PKP2: variants seen among roughly 807,000 people sequenced by gnomAD.
The protein encoded by PKP2 is plakophilin-2.
In PKP2, 73 loss-of-function variants were observed where a neutral mutation model predicts 83.4. That is an observed-to-expected ratio of 0.88 (90% CI 0.72 to 1.06). The LOEUF (loss-of-function observed/expected upper bound fraction) is 1.06, where lower values mean the gene tolerates loss of function less well. Ranked by LOEUF, PKP2 falls within the 50% of genes least tolerant of loss-of-function variation. The probability of loss-of-function intolerance (pLI) is 0.00; values close to 1 mark genes in which losing one functional copy is unlikely to be tolerated. For missense variants in PKP2, 966 were observed against 1,065.4 expected (o/e 0.91, Z 1.30); for synonymous variants, 409 against 430.4 (o/e 0.95, Z 0.62).
intron 5 of PKP2, among the ~76,000 whole-genome samples, chr12:32,842,824 A>G (rs1300919365): frequency 6.6e-6 from 1 of 150,956 alleles, no homozygotes; most frequent in Non-Finnish European, 1.5e-5. Context: ...ACAGGCACAC[A>G]CCACCATGCC....
chr12:32,792,816 G>A lies in PKP2; in HGVS notation c.2358-85C>T, dbSNP rs565471328. On this transcript the variant is annotated intron_variant, in intron 11 of 12. Transcript: ENST00000340811. ...TGTGGGTGTTCTGTAAGACCTCTTC[G>A]CTCCTCAACTGCTACTCCGCAGCAG... is the stretch of plus-strand genomic sequence containing the variant. 2.5e-4 allele frequency: 259 copies of A among 1,023,806 alleles called. 3 individuals are homozygous for A. In the African/African-American group the frequency reaches 3.4e-3, roughly 13 times the overall value. 63.4% of individuals were successfully genotyped at this position (1,023,806 alleles called of 1,614,324 possible).
chr12:32,868,819 G>T, intron 4 of PKP2, 108 bp downstream of exon 4: 1 of 1,264,240 alleles, frequency 7.9e-7, no homozygotes, highest in Non-Finnish European at 1.1e-6. Flanking sequence ...ACCACGCACG[G>T]TCCCAATTTT....
At chr12:32,889,590 G>A (rs986088176) in intron 1 of PKP2, among the ~76,000 whole-genome samples, 8 of 152,144 alleles carry the variant, frequency 5.3e-5, no homozygotes, top group South Asian at 2.1e-4. Flanking sequence ...TTCAGTTTGC[G>A]CTTAATCATT....
intron 10 of PKP2, 81 bp from the exon 11 acceptor site, chr12:32,796,379 A>G (rs1956124927): frequency 8.0e-7 from 1 of 1,249,680 alleles, no homozygotes; most frequent in African/African-American, 1.5e-5. Flanking sequence ...TTTTGGGTGA[A>G]GAACATTCTT....
At chr12:32,859,483 G>C (rs1555146306) in intron 4 of PKP2, among the ~76,000 whole-genome samples, 3 of 151,982 alleles carry the variant, frequency 2.0e-5, no homozygotes, top group Non-Finnish European at 2.9e-5. Flanking sequence ...GTGTGACAGA[G>C]TCTCTCTCTG....
intron 1 of PKP2, chr12:32,893,341 G>C (rs1957092179): frequency 1.3e-5 from 2 of 152,148 alleles, no homozygotes; most frequent in Non-Finnish European, 2.9e-5. Context: ...GACCAGCACT[G>C]TTTCAACAAT....
intron 1 of PKP2, among the ~76,000 whole-genome samples, chr12:32,892,497 G>A (rs2137996946): frequency 6.6e-6 from 1 of 151,836 alleles, no homozygotes; most frequent in South Asian, 2.1e-4. Context: ...TTTATTTTTA[G>A]TAGACACAGG....
chr12:32,803,881 C>T (rs796186296), intron 9 of PKP2, among the ~76,000 whole-genome samples: 17 of 152,266 alleles, frequency 1.1e-4, no homozygotes, highest in African/African-American at 4.1e-4. Context: ...CTCAGCCACC[C>T]ATGTGGACAA....
Position 32,850,990 on chromosome 12 carries a change from T to A in PKP2, c.1171-17A>T. 1 of 1,601,298 alleles carries A rather than the reference T, an allele frequency of 6.2e-7. No individual in the cohort carries two copies. The highest frequency in any genetic ancestry group is 8.6e-7 in the Non-Finnish European group (1 of 1,169,476). On this transcript the variant is annotated splice_polypyrimidine_tract_variant and intron_variant, in intron 4 of 12. Coordinates refer to ENST00000340811, the MANE Select transcript of PKP2 (RefSeq NM_001005242.3). ...CTGGTTAACCTGGGGAAGAAGCAGATGCATATTTCTAATATTAATTTTGAT... is the reference window on the plus strand; with the variant it reads ...CTGGTTAACCTGGGGAAGAAGCAGAAGCATATTTCTAATATTAATTTTGAT...
intron 11 of PKP2, among the ~76,000 whole-genome samples, chr12:32,794,371 T>C (rs1452437792): frequency 6.6e-6 from 1 of 152,212 alleles, no homozygotes; most frequent in Admixed American, 6.5e-5. Context: ...TTATAAATGA[T>C]AATTAGTTCC....
intron 9 of PKP2, among the ~76,000 whole-genome samples, chr12:32,818,187 G>C (rs925388069): frequency 9.2e-5 from 14 of 152,182 alleles, no homozygotes; most frequent in Admixed American, 1.3e-4. Flanking sequence ...TTTCAGGCTG[G>C]GTGCAGTGGC....
At chr12:32,861,693 C>T (rs973847661) in intron 4 of PKP2, among the ~76,000 whole-genome samples, 12 of 152,086 alleles carry the variant, frequency 7.9e-5, no homozygotes, top group Admixed American at 3.9e-4. Context: ...GCTCAGTGAA[C>T]TCCCAAGCAC....
Position 32,871,456 on chromosome 12 carries a change from C to T in PKP2, c.1035-2394G>A, listed in dbSNP as rs146631907. 1.9e-3 allele frequency among the ~76,000 whole-genome samples: 291 copies of T among 152,014 alleles called. 3 individuals are homozygous for T. Among genetic ancestry groups the T allele is most frequent in the African/African-American group, 6.2e-3 (256 of 41,476 alleles). ...GACTACAGGTGCACGCCACCATACC[C>T]GGCTAATTTTTTTTTTTTATTTTTT... On this transcript the variant is annotated intron_variant, in intron 3 of 12. Transcript: ENST00000340811.
intron 6 of PKP2, among the ~76,000 whole-genome samples, chr12:32,827,174 GT>G (rs1956450299): frequency 6.6e-6 from 1 of 152,202 alleles, no homozygotes; most frequent in South Asian, 2.1e-4. Flanking sequence ...GGTTAGAATG[GT>G]AAGTCAAGTT....
At chr12:32,814,338 CCT>C (rs1956302163) in intron 9 of PKP2, among the ~76,000 whole-genome samples, 1 of 152,116 alleles carries the variant, frequency 6.6e-6, no homozygotes, top group Non-Finnish European at 1.5e-5. Flanking sequence ...CCCCACAGTC[CCT>C]GACTTTCATC....
chr12:32,853,508 C>CTTTTT (rs71447625), intron 4 of PKP2, among the ~76,000 whole-genome samples: 1 of 138,154 alleles, frequency 7.2e-6, no homozygotes, highest in Non-Finnish European at 1.5e-5. Context: ...TAAATTCATA[C>CTTTTT]TTTTTTTTTT....
At position 32,862,752 on chromosome 12, in the gene PKP2, T is replaced by G. The variant is rs7962307; in HGVS notation, c.1170+6175A>C. The stretch of plus-strand genomic sequence containing the variant: ...GTAGATCACTTCAGGAGGACCCAAG[T>G]GGATCACTTTGAGAGGCGGGTGGAT... On this transcript the variant is annotated intron_variant, in intron 4 of 12. Transcript: ENST00000340811. 5.5e-3 allele frequency among the ~76,000 whole-genome samples: 839 copies of G among 152,220 alleles called. 10 individuals carry two copies. Among genetic ancestry groups the G allele is most frequent in the African/African-American group, 0.019 (786 of 41,544 alleles).
intron 4 of PKP2, among the ~76,000 whole-genome samples, chr12:32,867,293 T>C (rs1443132303): frequency 6.6e-6 from 1 of 152,068 alleles, no homozygotes; most frequent in African/African-American, 2.4e-5. Context: ...ACACCACTGC[T>C]CTCCAGCCTA....
intron 6 of PKP2, among the ~76,000 whole-genome samples, chr12:32,835,844 T>G (rs968020588): frequency 2.0e-5 from 3 of 152,164 alleles, no homozygotes; most frequent in Non-Finnish European, 2.9e-5. Context: ...TTTTTAGAGA[T>G]GGGTCCATGT....
Sources: allele counts gnomAD v4.1 joint callset (sites outside exome capture counted in the v4.1 genomes callset), GRCh38; gene constraint gnomAD v4.1.1; transcripts MANE v1.5; gene names NCBI Gene and HGNC (gene_info 2026-07-23, HGNC 2026-07-21).